EPHA4: variants seen among roughly 807,000 people sequenced by gnomAD.
EPHA4 encodes EPH receptor A4.
Under a neutral mutation model 108.3 loss-of-function variants are expected in EPHA4, and 19 were observed. The observed-to-expected ratio is 0.18, with a 90% CI of 0.12 to 0.26. The LOEUF (loss-of-function observed/expected upper bound fraction) is 0.26. Ranked by LOEUF, EPHA4 falls within the 10% of genes least tolerant of loss-of-function variation. The pLI is 1.00. For synonymous variants in EPHA4, 449 were observed against 455.5 expected, an observed-to-expected ratio of 0.99 and a Z score of 0.18; for missense variants, 917 against 1,254.0, an observed-to-expected ratio of 0.73 and a Z score of 4.06.
intron 3 of EPHA4, among the ~76,000 whole-genome samples, chr2:221,537,224 C>T (rs2106187781): frequency 6.6e-6 from 1 of 152,308 alleles, no homozygotes; most frequent in East Asian, 1.9e-4. Flanking sequence ...ACAGCTAAAT[C>T]CAAGGATGCT....
chr2:221,488,787 G>GA (rs1692053130), intron 4 of EPHA4, among the ~76,000 whole-genome samples: 3 of 151,886 alleles, frequency 2.0e-5, no homozygotes, highest in Non-Finnish European at 2.9e-5. Context: ...TCTTCTCTGG[G>GA]GAAAAAAACA....
intron 3 of EPHA4, among the ~76,000 whole-genome samples, chr2:221,530,347 T>G (rs2106182345): frequency 6.6e-6 from 1 of 152,378 alleles, no homozygotes; most frequent in African/African-American, 2.4e-5. Context: ...AGAAAGGATG[T>G]GATCACACTG....
intron 3 of EPHA4, among the ~76,000 whole-genome samples, chr2:221,559,796 T>C (rs1206610442): frequency 1.3e-5 from 2 of 152,182 alleles, no homozygotes; most frequent in Non-Finnish European, 2.9e-5. Context: ...ATCCAATCAC[T>C]AGGCAAGTTC....
chr2:221,519,969 G>A (rs548837128), intron 3 of EPHA4, among the ~76,000 whole-genome samples: 16 of 151,760 alleles, frequency 1.1e-4, no homozygotes, highest in African/African-American at 2.2e-4. Context: ...GTAGTTTCTC[G>A]GTGTCTCTTC....
At position 221,557,968 on chromosome 2, in the gene EPHA4, G is replaced by A. The variant is rs531154747; in HGVS notation, c.823+5763C>T. Among the ~76,000 whole-genome samples the A allele has an allele frequency of 9.2e-5, 14 of 152,272 alleles. No homozygotes were observed. The South Asian group carries it at 2.5e-3, about 27-fold the overall frequency. ...TATACATGTATGATTACACATTAAT[G>A]TGTTAGTTTAAAAGTATTACTAGGA... On this transcript the variant is annotated intron_variant, in intron 3 of 17. Coordinates refer to ENST00000281821, the MANE Select transcript of EPHA4 (RefSeq NM_004438.5).
At position 221,426,049 on chromosome 2, in the gene EPHA4, G is replaced by A. The variant is rs373468133; in HGVS notation, c.2940C>T (p.His980=). 42 of 1,613,900 alleles carry A rather than the reference G, an allele frequency of 2.6e-5. No individual in the cohort carries two copies. Among genetic ancestry groups the A allele is most frequent in the South Asian group, 4.4e-5 (4 of 91,082 alleles). ...QAMRTQMQQM[H]GRMVPV ...TGGCTCAGACGGGAACCATTCTGCC[G>A]TGCATCTGCTGCATTTGGGTTCGCA... Residue 980 remains histidine, a synonymous_variant, in exon 17 of 18, where the codon CAC becomes CAT. Coordinates refer to ENST00000281821, the MANE Select transcript of EPHA4 (RefSeq NM_004438.5).
intron 5 of EPHA4, among the ~76,000 whole-genome samples, chr2:221,458,931 A>G (rs553445933): frequency 2.0e-5 from 3 of 152,316 alleles, no homozygotes; most frequent in South Asian, 4.1e-4. Flanking sequence ...CCTAACTCCA[A>G]TGTATATATT....
intron 3 of EPHA4, among the ~76,000 whole-genome samples, chr2:221,535,746 A>T (rs1172976065): frequency 6.6e-6 from 1 of 152,190 alleles, no homozygotes; most frequent in Non-Finnish European, 1.5e-5. Flanking sequence ...TTTTTGGTAA[A>T]CATTACAAAT....
At chr2:221,540,870 G>C (rs1489258426) in intron 3 of EPHA4, among the ~76,000 whole-genome samples, 1 of 151,822 alleles carries the variant, frequency 6.6e-6, no homozygotes, top group East Asian at 1.9e-4. Context: ...GAATTCGGGG[G>C]ATTACATTAA....
intron 5 of EPHA4, among the ~76,000 whole-genome samples, chr2:221,464,284 C>T (rs1181395145): frequency 6.6e-6 from 1 of 152,150 alleles, no homozygotes; most frequent in East Asian, 1.9e-4. Context: ...AATTTAATTA[C>T]TTGGAGCTTA....
intron 3 of EPHA4, among the ~76,000 whole-genome samples, chr2:221,558,821 AT>A (rs1245030950): frequency 1.3e-5 from 2 of 152,182 alleles, no homozygotes; most frequent in African/African-American, 4.8e-5. Flanking sequence ...AAAGAATTAC[AT>A]TTTTTCAATG....
At chr2:221,558,271 T>G (rs1232455383) in intron 3 of EPHA4, among the ~76,000 whole-genome samples, 1 of 152,134 alleles carries the variant, frequency 6.6e-6, no homozygotes, top group Admixed American at 6.5e-5. Flanking sequence ...GAGTAAGCTT[T>G]TGAAAACTGT....
chr2:221,566,786 A>G (rs1055160163), intron 2 of EPHA4, among the ~76,000 whole-genome samples: 1 of 149,144 alleles, frequency 6.7e-6, no homozygotes, highest in Non-Finnish European at 1.5e-5. Flanking sequence ...AAGAAGAAGA[A>G]GGAGAAGAAG....
intron 4 of EPHA4, among the ~76,000 whole-genome samples, chr2:221,490,547 G>A (rs1692109495): frequency 6.6e-6 from 1 of 152,190 alleles, no homozygotes; most frequent in South Asian, 2.1e-4. Flanking sequence ...AAAATGCTAA[G>A]GCAACCAGTC....
intron 5 of EPHA4, among the ~76,000 whole-genome samples, chr2:221,466,835 G>T (rs1379230804): frequency 6.6e-6 from 1 of 152,158 alleles, no homozygotes; most frequent in East Asian, 1.9e-4. Flanking sequence ...TGGTCCTAGA[G>T]CCCTCATTCT....
chr2:221,442,062 TC>T (rs2106105032), intron 11 of EPHA4, among the ~76,000 whole-genome samples: 1 of 152,274 alleles, frequency 6.6e-6, no homozygotes, highest in African/African-American at 2.4e-5. Context: ...GCCTTGGCTT[TC>T]CAGGGGACAC....
intron 3 of EPHA4, among the ~76,000 whole-genome samples, chr2:221,553,836 T>A (rs1336991118): frequency 6.6e-6 from 1 of 152,230 alleles, no homozygotes; most frequent in Non-Finnish European, 1.5e-5. Flanking sequence ...CCATTTGCCT[T>A]CTATTAAGAA....
intron 1 of EPHA4, among the ~76,000 whole-genome samples, chr2:221,570,007 C>T (rs1185431656): frequency 6.6e-6 from 1 of 151,866 alleles, no homozygotes; most frequent in Non-Finnish European, 1.5e-5. Flanking sequence ...CTCTCCCCAC[C>T]GCCAACCCCC....
At chr2:221,560,716 C>T (rs1694436780) in intron 3 of EPHA4, among the ~76,000 whole-genome samples, 1 of 152,176 alleles carries the variant, frequency 6.6e-6, no homozygotes. Context: ...AGTCTGTAAA[C>T]TAAATATAAC....
Sources: allele counts gnomAD v4.1 joint callset (sites outside exome capture counted in the v4.1 genomes callset), GRCh38; gene constraint gnomAD v4.1.1; transcripts MANE v1.5; gene names NCBI Gene and HGNC (gene_info 2026-07-23, HGNC 2026-07-21).